STX6: variants seen among roughly 807,000 people sequenced by gnomAD.
The protein encoded by STX6 is syntaxin-6.
A neutral mutation model predicts 38.0 loss-of-function variants in STX6; 23 were observed. The ratio of observed to expected loss-of-function variants is 0.60; its 90% CI spans 0.43 to 0.86. The LOEUF is 0.86. STX6 is among the 40% of genes least tolerant of loss of function. The probability of loss-of-function intolerance (pLI) is 0.00; values close to 1 mark genes in which losing one functional copy is unlikely to be tolerated. For missense variants in STX6, 274 were observed against 312.9 expected, an observed-to-expected ratio of 0.88 and a Z score of 0.94; for synonymous variants, 123 against 107.5, an observed-to-expected ratio of 1.14 and a Z score of -0.89.
At chr1:181,019,970 G>A (rs545025365) in intron 1 of STX6, among the ~76,000 whole-genome samples, 1 of 152,170 alleles carries the variant, frequency 6.6e-6, no homozygotes, top group South Asian at 2.1e-4. Context: ...AGACCATCCT[G>A]GCTAACATGG....
chr1:181,003,061 T>C (rs537318339), intron 2 of STX6, among the ~76,000 whole-genome samples: 16 of 152,226 alleles, frequency 1.1e-4, no homozygotes, highest in Non-Finnish European at 2.4e-4. Flanking sequence ...TTTGCAAGCC[T>C]TTTTCTCCTG....
chr1:181,022,081 G>A (rs1656744927), intron 1 of STX6, among the ~76,000 whole-genome samples: 1 of 151,828 alleles, frequency 6.6e-6, no homozygotes, highest in Non-Finnish European at 1.5e-5. Context: ...CTGCTCCCCA[G>A]CCTCCCAGAA....
chr1:180,991,995 C>G (rs1388946506), intron 4 of STX6, among the ~76,000 whole-genome samples: 1 of 150,048 alleles, frequency 6.7e-6, no homozygotes, highest in Non-Finnish European at 1.5e-5. Context: ...GTTAGCCCAA[C>G]TATACTATCT....
intron 7 of STX6, among the ~76,000 whole-genome samples, chr1:180,979,389 C>G (rs114669132): frequency 4.0e-4 from 61 of 152,324 alleles, no homozygotes; most frequent in Non-Finnish European, 3.5e-4. Context: ...AATAGGCTGA[C>G]ATAAATACAG....
chr1:180,977,451 T>TA (rs1469211438), intron 7 of STX6, among the ~76,000 whole-genome samples: 1 of 152,248 alleles, frequency 6.6e-6, no homozygotes, highest in East Asian at 1.9e-4. Flanking sequence ...TTGTGAGAAT[T>TA]AAACAACACA....
At chr1:181,015,360 C>T (rs879644940) in intron 1 of STX6, among the ~76,000 whole-genome samples, 4 of 152,190 alleles carry the variant, frequency 2.6e-5, no homozygotes, top group Admixed American at 2.6e-4. Context: ...ATCTGCTTCC[C>T]TTTCTAGCTT....
At chr1:180,984,823 T>C in intron 6 of STX6, 52 bp from the exon 7 acceptor site, 1 of 784,104 alleles carries the variant, frequency 1.3e-6, no homozygotes, top group Non-Finnish European at 2.2e-6. Context: ...GCCTTGGCAG[T>C]GCACTTGCAC....
At chr1:181,004,257 T>TGGCACAC (rs1290527988) in intron 2 of STX6, among the ~76,000 whole-genome samples, 1 of 152,240 alleles carries the variant, frequency 6.6e-6, no homozygotes, top group Non-Finnish European at 1.5e-5. Context: ...CCCTCATTTC[T>TGGCACAC]GGCACACAGC....
rs565024385 is a variant in STX6 at position 181,013,558 on chromosome 1, T to TC, written c.36-8096dup. 3.5e-3 allele frequency among the ~76,000 whole-genome samples: 527 copies of TC among 152,340 alleles called. 3 individuals carry two copies. Among genetic ancestry groups the TC allele is most frequent in the African/African-American group, 0.012 (502 of 41,580 alleles). ...ATCTCAAACTCCTGGCCTCAAGTGATCCTCCTGCCTTGGCCTCCCCCTTCA... is the reference window on the plus strand; with the variant it reads ...ATCTCAAACTCCTGGCCTCAAGTGATCCCTCCTGCCTTGGCCTCCCCCTTCA... On this transcript the variant is annotated intron_variant, in intron 1 of 7. Coordinates refer to ENST00000258301, the MANE Select transcript of STX6 (RefSeq NM_005819.6).
chr1:181,006,808 G>A (rs989381196), intron 1 of STX6, among the ~76,000 whole-genome samples: 1 of 152,210 alleles, frequency 6.6e-6, no homozygotes, highest in Non-Finnish European at 1.5e-5. Flanking sequence ...ATGGCATACT[G>A]ATGAGAGCTA....
rs1393728666 is a variant in STX6 at position 181,002,493 on chromosome 1, C to A, written c.300+113G>T. 12 of 664,770 alleles carry A rather than the reference C, an allele frequency of 1.8e-5. No individual in the cohort carries two copies. In the Admixed American group the frequency reaches 2.9e-4, roughly 16 times the overall value. 41.2% of individuals were successfully genotyped at this position (664,770 alleles called of 1,614,324 possible). A position where few individuals can be genotyped will look rare whatever the true frequency, so the allele number is the denominator to read the frequency against. On this transcript the variant is annotated intron_variant, in intron 3 of 7. Transcript: ENST00000258301. ...TATATGGGGAAGCTCACATTTAATTCATATTTAAAAAGTGGTTTCAGAGGT... is the reference window on the plus strand; with the variant it reads ...TATATGGGGAAGCTCACATTTAATTAATATTTAAAAAGTGGTTTCAGAGGT...
intron 1 of STX6, among the ~76,000 whole-genome samples, chr1:181,008,727 G>GTT (rs55654509): frequency 0.29 from 31,530 of 108,468 alleles, 4,547 homozygotes; most frequent in Middle Eastern, 0.34. Context: ...TTCCAAAATT[G>GTT]TTTTTTTTTT....
chr1:180,993,498 T>C (rs1655814239), intron 3 of STX6, 73 bp from the exon 4 acceptor site: 2 of 766,556 alleles, frequency 2.6e-6, no homozygotes, highest in Non-Finnish European at 4.4e-6. Context: ...TTTCATACAT[T>C]AGCAAAACAC....
In STX6 at chr1:181,001,713, GC is replaced by G. The variant is rs1240108848; in HGVS notation, c.300+892del. On this transcript the variant is annotated intron_variant, in intron 3 of 7. Transcript: ENST00000258301. Reference sequence around the variant, plus strand: ...AAAAAACCAAATGGTTTCTACAATAGCAATTGTTTTGTTCGTCAAGAAATAG... The same window carrying G: ...AAAAAACCAAATGGTTTCTACAATAGAATTGTTTTGTTCGTCAAGAAATAG... 2.6e-5 allele frequency among the ~76,000 whole-genome samples: 4 copies of G among 152,178 alleles called. No individual in the cohort carries two copies. In the East Asian group the frequency reaches 7.7e-4, roughly 29 times the overall value.
At chr1:181,018,034 A>G (rs1448957408) in intron 1 of STX6, among the ~76,000 whole-genome samples, 4 of 152,190 alleles carry the variant, frequency 2.6e-5, no homozygotes, top group Admixed American at 2.0e-4. Context: ...AATACAATGC[A>G]GTCATTAAAA....
chr1:180,994,320 A>C (rs914974647), intron 3 of STX6, among the ~76,000 whole-genome samples: 1 of 152,260 alleles, frequency 6.6e-6, no homozygotes, highest in Non-Finnish European at 1.5e-5. Context: ...CCGCTTTTAC[A>C]ATCCCAGAAC....
In STX6 at chr1:181,002,039, G is replaced by A. The variant is rs76510156; in HGVS notation, c.300+567C>T. 2.6e-5 allele frequency among the ~76,000 whole-genome samples: 4 copies of A among 152,142 alleles called. No individual in the cohort carries two copies. In the East Asian group the frequency reaches 5.8e-4, roughly 22 times the overall value. ...CAAAAAATTAGCCTGGTGTGGTGGTGCACGCCTGTAGTCCCAGCTATTTGG... is the reference window on the plus strand; with the variant it reads ...CAAAAAATTAGCCTGGTGTGGTGGTACACGCCTGTAGTCCCAGCTATTTGG... On this transcript the variant is annotated intron_variant, in intron 3 of 7. Transcript: ENST00000258301.
chr1:181,008,332 G>C (rs1468494560), intron 1 of STX6, among the ~76,000 whole-genome samples: 1 of 152,148 alleles, frequency 6.6e-6, no homozygotes, highest in Non-Finnish European at 1.5e-5. Flanking sequence ...CTTGGGACCA[G>C]AAATGTTTGG....
chr1:180,986,482 A>C (rs913805125), intron 6 of STX6, among the ~76,000 whole-genome samples: 2 of 152,204 alleles, frequency 1.3e-5, no homozygotes, highest in Non-Finnish European at 2.9e-5. Flanking sequence ...ACATGTGGCT[A>C]GTAGCTATTA....
Sources: gnomAD v4.1 joint callset for allele counts (sites outside exome capture counted in the v4.1 genomes callset) on GRCh38, gnomAD v4.1.1 for gene constraint, MANE v1.5 for transcripts, NCBI Gene and HGNC (gene_info 2026-07-23, HGNC 2026-07-21) for gene names.